DCHS1: variants seen among roughly 807,000 people sequenced by gnomAD.
The protein encoded by DCHS1 is dachsous cadherin-related 1, also known as protocadherin-16.
DCHS1 carries 78 observed loss-of-function variants against 213.9 expected under a neutral mutation model. The observed-to-expected ratio is 0.36, with a 90% CI of 0.30 to 0.44. DCHS1 has a LOEUF of 0.44. Ranked by LOEUF, DCHS1 falls within the 20% of genes least tolerant of loss-of-function variation. DCHS1 has a pLI of 1.00. For missense variants in DCHS1, 3,946 were observed against 4,395.9 expected (o/e 0.90, Z 2.89); for synonymous variants, 1,828 against 1,873.7 (o/e 0.98, Z 0.63).
At chr11:6,646,348 T>C (rs1856154966) in intron 1 of DCHS1, among the ~76,000 whole-genome samples, 1 of 152,176 alleles carries the variant, frequency 6.6e-6, no homozygotes, top group Non-Finnish European at 1.5e-5. Context: ...CACTTCCTGC[T>C]GCAAGCCTTC....
At chr11:6,651,200 T>C (rs1856237673) in intron 1 of DCHS1, among the ~76,000 whole-genome samples, 1 of 152,132 alleles carries the variant, frequency 6.6e-6, no homozygotes, top group Admixed American at 6.5e-5. Flanking sequence ...AGTTCAAGCC[T>C]GCCCGGTGGA....
At position 6,641,560 on chromosome 11, in the gene DCHS1, C is replaced by T; in HGVS notation, c.54G>A (p.Arg18=). ...VPSCPGMKSP[R]PHLLLPLLLL... ...GCAGCAATGGTAGCAGGAGGTGGGG[C>T]CTGGGGCTCTTCATGCCAGGGCAGG... Residue 18 remains arginine (R), a synonymous_variant, in exon 2 of 21, where the codon AGG becomes AGA. Transcript: ENST00000299441. This position sits in a 1 kb window ranked among gnomAD's most constrained non-coding sequence, Gnocchi z 7.1. 6.4e-7 allele frequency: 1 copy of T among 1,551,138 alleles called. No homozygotes were observed. Among genetic ancestry groups the T allele is most frequent in the South Asian group, 1.2e-5 (1 of 84,132 alleles).
At position 6,641,584 on chromosome 11, in the gene DCHS1, G is replaced by A; in HGVS notation, c.30C>T (p.Ser10=). The A allele has an allele frequency of 1.3e-6, 2 of 1,550,340 alleles. No individual in the cohort carries two copies. Among genetic ancestry groups the A allele is most frequent in the Admixed American group, 2.0e-5 (1 of 51,006 alleles). The change falls in exon 2 of 21, where the codon TCC becomes TCT. Residue 10 remains serine, a synonymous_variant. Transcript: ENST00000299441. This position sits in a 1 kb window ranked among gnomAD's most constrained non-coding sequence, Gnocchi z 7.1. MQKELGIVP[S]CPGMKSPRPH... Reference sequence around the variant, plus strand: ...GCCTGGGGCTCTTCATGCCAGGGCAGGAAGGCACAATGCCCAGCTCCTTCT... The same window carrying A: ...GCCTGGGGCTCTTCATGCCAGGGCAAGAAGGCACAATGCCCAGCTCCTTCT...
intron 7 of DCHS1, 25 bp from the exon 8 acceptor site, chr11:6,631,432 G>C: frequency 6.2e-7 from 1 of 1,613,478 alleles, no homozygotes; most frequent in South Asian, 1.1e-5. Flanking sequence ...CTCACCTAGT[G>C]AGTCTCTTTC....
chr11:6,627,115 C>T lies in DCHS1; in HGVS notation c.5924G>A (p.Ser1975Asn), dbSNP rs778658992. 7.6e-5 allele frequency: 123 copies of T among 1,613,036 alleles called. No individual in the cohort carries two copies. The Admixed American group carries it at 2.0e-3, about 26-fold the overall frequency. Reference sequence around the variant, plus strand: ...CAGAGCCAGGGTTGGGGTACTGAAGCTGGGGCCTGGGCGGGGCAGACGTAG... The same window carrying T: ...CAGAGCCAGGGTTGGGGTACTGAAGTTGGGGCCTGGGCGGGGCAGACGTAG... ...LRLRLPRPGPSFSTPTLALAT... is the reference protein window; with the variant it reads ...LRLRLPRPGPNFSTPTLALAT... The change falls in exon 14 of 21, where the codon AGC (serine) becomes AAC (asparagine). Residue 1975 changes from serine (S) to asparagine (N), a missense_variant. Transcript: ENST00000299441. This position sits in a 1 kb window ranked among gnomAD's most constrained non-coding sequence, Gnocchi z 5.4.
chr11:6,638,164 A>T (rs1412428497), intron 2 of DCHS1, among the ~76,000 whole-genome samples: 2 of 152,216 alleles, frequency 1.3e-5, no homozygotes, highest in African/African-American at 4.8e-5. Context: ...CCAGAGGACA[A>T]GAGGTCAGCC....
chr11:6,624,497 G>A, intron 20 of DCHS1, 107 bp from the exon 21 acceptor site: 1 of 1,359,742 alleles, frequency 7.4e-7, no homozygotes, highest in Non-Finnish European at 9.9e-7. Flanking sequence ...CAGACTCAGG[G>A]AATGGCCTAT....
Position 6,628,598 on chromosome 11 carries a change from A to T in DCHS1, c.5371+23T>A. ...AACCAGGCAAGTGGGTGCTGAATTA[A>T]GTGGGAGTGGGAAGGTTCTCACCTA... On this transcript the variant is annotated intron_variant, in intron 13 of 20. Transcript: ENST00000299441. The surrounding 1 kb of genome is among the most constrained non-coding windows in gnomAD (Gnocchi z 4.3). The T allele has an allele frequency of 6.2e-7, 1 of 1,613,194 alleles. No individual in the cohort carries two copies. Among genetic ancestry groups the T allele is most frequent in the Non-Finnish European group, 8.5e-7 (1 of 1,179,512 alleles).
Position 6,626,661 on chromosome 11 carries a change from A to G in DCHS1, c.6255T>C (p.Thr2085=). The part of the protein sequence containing the change: ...ATIRENAPPG[T]PIVSPRAVHA... ...GGACGGCCCTGGGGGAGACAATAGG[A>G]GTCCCTGCAGAAAGAACGGTATTGT... Residue 2085 remains threonine, a synonymous_variant, in exon 15 of 21, where the codon ACT becomes ACC. Coordinates refer to ENST00000299441, the MANE Select transcript of DCHS1 (RefSeq NM_003737.4). The surrounding 1 kb of genome is among the most constrained non-coding windows in gnomAD (Gnocchi z 5.2). The G allele has an allele frequency of 6.2e-7, 1 of 1,613,840 alleles. No homozygotes were observed.
chr11:6,652,389 T>C (rs1424956149), intron 1 of DCHS1, among the ~76,000 whole-genome samples: 1 of 152,076 alleles, frequency 6.6e-6, no homozygotes, highest in Non-Finnish European at 1.5e-5. Context: ...AGTGAGGAAG[T>C]AGGAACAGCT....
chr11:6,634,414 C>T, intron 2 of DCHS1, 108 bp from the exon 3 acceptor site: 1 of 1,274,582 alleles, frequency 7.8e-7, no homozygotes, highest in Non-Finnish European at 1.1e-6. Context: ...ATGGCGGACA[C>T]ACAGAGAGGA....
chr11:6,646,263 G>A (rs1856153775), intron 1 of DCHS1, among the ~76,000 whole-genome samples: 1 of 152,120 alleles, frequency 6.6e-6, no homozygotes, highest in African/African-American at 2.4e-5. Flanking sequence ...ATGCTGCCGG[G>A]GCACTCGTGG....
In DCHS1 at chr11:6,624,723, G is replaced by C; in HGVS notation, c.7285+7C>G. ...AAGGCAAGGGGCAGATCCTGGGAAA[G>C]ACGCACCATTGTTGGGGTCAACACT... On this transcript the variant is annotated splice_region_variant and intron_variant, in intron 20 of 20. Transcript: ENST00000299441. 6.2e-7 allele frequency: 1 copy of C among 1,613,930 alleles called. No homozygotes were observed. Among genetic ancestry groups the C allele is most frequent in the East Asian group, 2.2e-5 (1 of 44,880 alleles).
At chr11:6,648,382 T>C (rs2134656660) in intron 1 of DCHS1, among the ~76,000 whole-genome samples, 1 of 152,312 alleles carries the variant, frequency 6.6e-6, no homozygotes, top group East Asian at 1.9e-4. Flanking sequence ...GGATCGATAA[T>C]GTCCAATGCT....
rs760654642 is a variant in DCHS1 at position 6,629,974 on chromosome 11, C to T, written c.4795+25G>A. The T allele has an allele frequency of 4.4e-6, 7 of 1,589,476 alleles. No homozygotes were observed. In the South Asian group the frequency reaches 4.6e-5, roughly 10 times the overall value. The stretch of plus-strand genomic sequence containing the variant: ...CACTCCACATCAGCACCTTCCTCGC[C>T]CTCACTCCCAGACCTAACTCTCACC... On this transcript the variant is annotated intron_variant, in intron 10 of 20. Transcript: ENST00000299441.
At chr11:6,634,387 TG>T in intron 2 of DCHS1, 81 bp from the exon 3 acceptor site, 1 of 1,453,274 alleles carries the variant, frequency 6.9e-7, no homozygotes, top group South Asian at 1.4e-5. Flanking sequence ...AATGAACAAC[TG>T]GTGCTAAGTC....
intron 2 of DCHS1, among the ~76,000 whole-genome samples, chr11:6,638,333 C>A (rs1487969109): frequency 1.3e-5 from 2 of 152,206 alleles, no homozygotes; most frequent in Non-Finnish European, 2.9e-5. Flanking sequence ...CCAAAGCAAT[C>A]TTTCTTAAAG....
Position 6,626,017 on chromosome 11 carries a change from C to G in DCHS1, c.6634G>C (p.Ala2212Pro), listed in dbSNP as rs763381995. The G allele has an allele frequency of 6.8e-6, 11 of 1,612,552 alleles. No homozygotes were observed. Among genetic ancestry groups the G allele is most frequent in the African/African-American group, 1.3e-5 (1 of 75,006 alleles). The change falls in exon 17 of 21, where the codon GCA becomes CCA. Residue 2212 changes from alanine to proline, a missense_variant. By Grantham distance (27) the Ala-to-Pro change is conservative. Coordinates refer to ENST00000299441, the MANE Select transcript of DCHS1 (RefSeq NM_003737.4). This position sits in a 1 kb window ranked among gnomAD's most constrained non-coding sequence, Gnocchi z 5.2. The part of the protein sequence containing the change: ...SGGQISYSLA[A>P]SQPARGLFHV... ...AACAATCCACGTGCCGGCTGGGATG[C>G]AGCCAGACTGTAGGAAATCTGTCCT...
chr11:6,630,896 T>A, intron 9 of DCHS1, 33 bp from the exon 10 acceptor site: 1 of 1,497,998 alleles, frequency 6.7e-7, no homozygotes, highest in Non-Finnish European at 8.9e-7. Flanking sequence ...AACAGAATTG[T>A]GAGGGCCCGT....
Sources: allele counts gnomAD v4.1 joint callset (sites outside exome capture counted in the v4.1 genomes callset), GRCh38; gene constraint gnomAD v4.1.1; non-coding constraint Gnocchi (gnomAD v3.1); transcripts MANE v1.5; gene names NCBI Gene and HGNC (gene_info 2026-07-23, HGNC 2026-07-21).